RFX2: variants seen among roughly 807,000 people sequenced by gnomAD.
RFX2 encodes the protein DNA-binding protein RFX2.
In RFX2, 20 loss-of-function variants were observed where a neutral mutation model predicts 87.8. That is an observed-to-expected ratio of 0.23 (90% CI 0.16 to 0.33). RFX2 has a LOEUF of 0.33. RFX2 is among the 10% of genes least tolerant of loss of function. The pLI is 1.00. For missense variants in RFX2, 767 were observed against 1,012.3 expected, an observed-to-expected ratio of 0.76 and a Z score of 3.29; for synonymous variants, 397 against 431.3, an observed-to-expected ratio of 0.92 and a Z score of 0.98.
rs920345619 is a variant in RFX2, at chr19:6,017,353, C to T, written c.598-1082G>A. Among the ~76,000 whole-genome samples the T allele has an allele frequency of 1.3e-5, 2 of 152,196 alleles. No homozygotes were observed. The highest frequency in any genetic ancestry group is 2.9e-5 in the Non-Finnish European group (2 of 68,038). ...AACTGTCCACACGAAGAGCTCAGTC[C>T]CCACACTGGGCATGGACGCAAAGGT... On this transcript the variant is annotated intron_variant, in intron 6 of 17. Coordinates refer to ENST00000303657, the MANE Select transcript of RFX2 (RefSeq NM_000635.4). The surrounding 1 kb of genome is among the most constrained non-coding windows in gnomAD (Gnocchi z 4.1).
rs1046117662 is a variant in RFX2 at position 6,064,281 on chromosome 19, G to A, written c.-8-16777C>T. Among the ~76,000 whole-genome samples, 7 of 152,192 alleles carry A rather than the reference G, an allele frequency of 4.6e-5. No individual in the cohort carries two copies. The highest frequency in any genetic ancestry group is 1.2e-4 in the African/African-American group (5 of 41,446). ...GGCCTGTCCCAGGATTCTTGGAAGC[G>A]GCTTCCTAAGGCATCATGCTTTTGT... On this transcript the variant is annotated intron_variant, in intron 1 of 17. Transcript: ENST00000303657. This position sits in a 1 kb window ranked among gnomAD's most constrained non-coding sequence, Gnocchi z 4.8.
rs1204136134 is a variant in RFX2 at position 6,044,968 on chromosome 19, T to G, written c.91-686A>C. Among the ~76,000 whole-genome samples the G allele has an allele frequency of 6.6e-6, 1 of 152,096 alleles. No individual in the cohort carries two copies. Among genetic ancestry groups the G allele is most frequent in the Non-Finnish European group, 1.5e-5 (1 of 68,026 alleles). Reference sequence around the variant, plus strand: ...GGAGTACCGATTGGCCACACAAAGCTATCAAAATGGGAAGGGTCAAAGTGA... The same window carrying G: ...GGAGTACCGATTGGCCACACAAAGCGATCAAAATGGGAAGGGTCAAAGTGA... On this transcript the variant is annotated intron_variant, in intron 2 of 17. Coordinates refer to ENST00000303657, the MANE Select transcript of RFX2 (RefSeq NM_000635.4). The surrounding 1 kb of genome is among the most constrained non-coding windows in gnomAD (Gnocchi z 5.3).
rs1453671533 is a variant in RFX2 at position 6,064,757 on chromosome 19, G to A, written c.-8-17253C>T. Among the ~76,000 whole-genome samples, 1 of 152,194 alleles carries A rather than the reference G, an allele frequency of 6.6e-6. No individual in the cohort carries two copies. The highest frequency in any genetic ancestry group is 2.4e-5 in the African/African-American group (1 of 41,446). On this transcript the variant is annotated intron_variant, in intron 1 of 17. Transcript: ENST00000303657. This position sits in a 1 kb window ranked among gnomAD's most constrained non-coding sequence, Gnocchi z 4.8. ...CATGACTGATTCTGGCCAGGAGGAG[G>A]CTGGCTTTCTGGATCCCACCAACAT...
At chr19:6,067,108 A>G (rs1402568200) in intron 1 of RFX2, among the ~76,000 whole-genome samples, 2 of 152,210 alleles carry the variant, frequency 1.3e-5, no homozygotes, top group Non-Finnish European at 2.9e-5. Context: ...GAGGGATTTC[A>G]ATCCTTCCTA....
intron 5 of RFX2, among the ~76,000 whole-genome samples, chr19:6,033,452 G>C (rs969164207): frequency 2.6e-5 from 4 of 152,146 alleles, no homozygotes; most frequent in African/African-American, 7.2e-5. Flanking sequence ...AGGATGACTT[G>C]TCTGGTAAAT....
intron 12 of RFX2, 124 bp downstream of exon 12, chr19:6,006,888 G>T: frequency 8.9e-7 from 1 of 1,129,278 alleles, no homozygotes; most frequent in South Asian, 1.5e-5. Flanking sequence ...CACCGCGCCC[G>T]GCCACTTTTG....
At chr19:6,038,342 A>AC (rs1555776489) in intron 5 of RFX2, among the ~76,000 whole-genome samples, 134 of 150,668 alleles carry the variant, frequency 8.9e-4, no homozygotes, top group African/African-American at 3.0e-3. Context: ...AAAAAAAAAA[A>AC]AAAAAAAAAA....
chr19:5,996,503 C>T (rs1051778424), intron 16 of RFX2, among the ~76,000 whole-genome samples: 9 of 152,218 alleles, frequency 5.9e-5, no homozygotes, highest in Admixed American at 2.6e-4. Context: ...CAGGACAGGC[C>T]GATCCACAGA....
rs189047997 is a variant in RFX2 at position 6,005,078 on chromosome 19, C to T, written c.1403-780G>A. On this transcript the variant is annotated intron_variant, in intron 12 of 17. Transcript: ENST00000303657. ...AGACTGCAGTGAGCCTCCTGCAATC[C>T]AGCCTGAGTGACAAGAGCAAAACTC... 8.5e-5 allele frequency among the ~76,000 whole-genome samples: 13 copies of T among 152,196 alleles called. No homozygotes were observed. In the East Asian group the frequency reaches 2.5e-3, roughly 29 times the overall value.
chr19:6,057,290 T>C (rs933090461), intron 1 of RFX2: 1 of 152,188 alleles, frequency 6.6e-6, no homozygotes. Flanking sequence ...CCGTGATGAA[T>C]GAATCTGCCT....
chr19:6,100,139 C>T (rs1224398941), intron 1 of RFX2, among the ~76,000 whole-genome samples: 1 of 152,054 alleles, frequency 6.6e-6, no homozygotes, highest in Non-Finnish European at 1.5e-5. Context: ...GGATTTTCTT[C>T]AGTAGAAATG....
rs1023213877 is a variant in RFX2 at position 6,024,271 on chromosome 19, A to G, written c.597+1892T>C. On this transcript the variant is annotated intron_variant, in intron 6 of 17. Transcript: ENST00000303657. This position sits in a 1 kb window ranked among gnomAD's most constrained non-coding sequence, Gnocchi z 5.0. ...TGGTATTCTGCACATTTTCCCATGT[A>G]TGTGCTCTGAGTTTAAGACTGGGGG... 6.6e-6 allele frequency among the ~76,000 whole-genome samples: 1 copy of G among 152,210 alleles called. No individual in the cohort carries two copies. The highest frequency in any genetic ancestry group is 2.4e-5 in the African/African-American group (1 of 41,530).
At chr19:6,048,477 C>T (rs1366156188) in intron 1 of RFX2, among the ~76,000 whole-genome samples, 1 of 152,226 alleles carries the variant, frequency 6.6e-6, no homozygotes, top group African/African-American at 2.4e-5. Flanking sequence ...TAAGTACACA[C>T]ACTTAGGTAG....
At chr19:6,105,860 G>C (rs770081117) in intron 1 of RFX2, among the ~76,000 whole-genome samples, 1 of 152,046 alleles carries the variant, frequency 6.6e-6, no homozygotes, top group Non-Finnish European at 1.5e-5. Context: ...GGGTGCTTTG[G>C]GAGGAGTAGA....
chr19:6,043,533 C>T (rs375627415), intron 3 of RFX2, among the ~76,000 whole-genome samples: 40 of 152,372 alleles, frequency 2.6e-4, no homozygotes, highest in Non-Finnish European at 5.3e-4. Context: ...CAAATCTGGC[C>T]CACTGCCTGT....
At chr19:6,060,150 A>T (rs1208084439) in intron 1 of RFX2, among the ~76,000 whole-genome samples, 1 of 151,440 alleles carries the variant, frequency 6.6e-6, no homozygotes, top group Non-Finnish European at 1.5e-5. Context: ...TGTCTCTTCC[A>T]CTTCCTTCTA....
In RFX2 at chr19:6,022,881, G is replaced by A. The variant is rs1362534162; in HGVS notation, c.597+3282C>T. Among the ~76,000 whole-genome samples, 2 of 152,204 alleles carry A rather than the reference G, an allele frequency of 1.3e-5. No individual in the cohort carries two copies. Among genetic ancestry groups the A allele is most frequent in the Admixed American group, 6.5e-5 (1 of 15,290 alleles). On this transcript the variant is annotated intron_variant, in intron 6 of 17. Transcript: ENST00000303657. The surrounding 1 kb of genome is among the most constrained non-coding windows in gnomAD (Gnocchi z 6.2). ...GGCTGGGTCTGGACAATGCTGTCTCGTTTTACCAGGCTCCCAGCACCTGAA... is the reference window on the plus strand; with the variant it reads ...GGCTGGGTCTGGACAATGCTGTCTCATTTTACCAGGCTCCCAGCACCTGAA...
chr19:6,062,096 G>A (rs969361916), intron 1 of RFX2, among the ~76,000 whole-genome samples: 21 of 152,142 alleles, frequency 1.4e-4, no homozygotes, highest in African/African-American at 5.1e-4. Context: ...AGGAATTTGA[G>A]GTTGAAGTAA....
chr19:6,048,990 C>G (rs1245935041), intron 1 of RFX2: 2 of 151,966 alleles, frequency 1.3e-5, no homozygotes, highest in East Asian at 3.9e-4. Flanking sequence ...CTAGATGGCC[C>G]CAGAGCCACA....
Sources: gnomAD v4.1 joint callset for allele counts (sites outside exome capture counted in the v4.1 genomes callset) on GRCh38, gnomAD v4.1.1 for gene constraint, Gnocchi (gnomAD v3.1) non-coding constraint, MANE v1.5 for transcripts, NCBI Gene and HGNC (gene_info 2026-07-23, HGNC 2026-07-21) for gene names.